The following SGCD variants were observed in gnomAD, a reference collection of about 807,000 sequenced individuals.
SGCD encodes sarcoglycan delta.
In SGCD, 18 loss-of-function variants were observed where a neutral mutation model predicts 36.6. The ratio of observed to expected loss-of-function variants is 0.49; its 90% confidence interval spans 0.34 to 0.73. SGCD has a LOEUF of 0.73. SGCD is among the 30% of genes least tolerant of loss of function. SGCD has a pLI of 0.01. For missense variants in SGCD, 387 were observed against 346.7 expected (o/e 1.12, Z -0.92); for synonymous variants, 133 against 130.6 (o/e 1.02, Z -0.12).
In SGCD at chr5:156,229,277, C is replaced by CATATATATATATATATATAT. The variant is rs570200528; in HGVS notation, c.-43-100253_-43-100234dup. Among the ~76,000 whole-genome samples the CATATATATATATATATATAT allele has an allele frequency of 2.0e-3, 113 of 56,382 alleles. 6 individuals carry two copies. Among genetic ancestry groups the CATATATATATATATATATAT allele is most frequent in the South Asian group, 3.1e-3 (5 of 1,594 alleles). 37.0% of individuals were successfully genotyped at this position (56,382 alleles called of 152,430 possible). Reference sequence around the variant, plus strand: ...ACATACATACATATATATATACATACATATATATATATATATATATATAAA... The same window carrying CATATATATATATATATATAT: ...ACATACATACATATATATATACATACATATATATATATATATATATATATATATATATATATATATATAAA... On this transcript the variant is annotated intron_variant, in intron 3 of 9. Coordinates refer to the SGCD transcript ENST00000517913.
Position 156,546,165 on chromosome 5 carries a change from A to G in SGCD, c.294+37463A>G, listed in dbSNP as rs571010165. Among the ~76,000 whole-genome samples the G allele has an allele frequency of 2.6e-5, 4 of 152,346 alleles. No homozygotes were observed. The East Asian group carries it at 7.7e-4, about 29-fold the overall frequency. On this transcript the variant is annotated intron_variant, in intron 4 of 8. Transcript: ENST00000337851. ...TTTTATTTAACTCATTTGCCAAATT[A>G]AGTTGACCATGGAACACTGTATTCT...
At chr5:156,360,324 T>G (rs1197449912) in intron 3 of SGCD, among the ~76,000 whole-genome samples, 1 of 151,604 alleles carries the variant, frequency 6.6e-6, no homozygotes, top group Non-Finnish European at 1.5e-5. Context: ...CTTGGCTCAC[T>G]GCAACCTCTG....
At chr5:155,956,567 C>T (rs1757654377) in intron 1 of SGCD, among the ~76,000 whole-genome samples, 2 of 152,056 alleles carry the variant, frequency 1.3e-5, no homozygotes, top group African/African-American at 2.4e-5. Flanking sequence ...TTGGTGTTTT[C>T]AAGCAACACA....
chr5:156,700,815 C>A (rs539891912), intron 7 of SGCD, among the ~76,000 whole-genome samples: 90 of 151,938 alleles, frequency 5.9e-4, no homozygotes, highest in African/African-American at 2.1e-3. Flanking sequence ...TAGTGGCACA[C>A]CCCTGTGGTC....
intron 1 of SGCD, among the ~76,000 whole-genome samples, chr5:155,881,326 A>C (rs1755880690): frequency 6.6e-6 from 1 of 151,920 alleles, no homozygotes; most frequent in Non-Finnish European, 1.5e-5. Context: ...AAATAAATAA[A>C]GAATATAGCA....
At chr5:155,857,004 C>CGGGT in the SGCD span, among the ~76,000 whole-genome samples, 1 of 152,054 alleles carries the variant, frequency 6.6e-6, no homozygotes, top group Non-Finnish European at 1.5e-5. Context: ...GAGACAGAGG[C>CGGGT]GGGTGGATTA....
intron 7 of SGCD, among the ~76,000 whole-genome samples, chr5:156,719,685 C>T (rs745563232): frequency 5.9e-5 from 9 of 152,168 alleles, no homozygotes; most frequent in Non-Finnish European, 1.2e-4. Flanking sequence ...GCAATTTAAA[C>T]GGCTGTCATA....
intron 7 of SGCD, among the ~76,000 whole-genome samples, chr5:156,696,474 C>G (rs990313465): frequency 2.6e-5 from 4 of 152,148 alleles, no homozygotes; most frequent in Non-Finnish European, 5.9e-5. Flanking sequence ...GAGGGCTTAA[C>G]AGAAAACAAA....
At chr5:156,736,667 C>A (rs911130593) in intron 7 of SGCD, among the ~76,000 whole-genome samples, 1 of 152,116 alleles carries the variant, frequency 6.6e-6, no homozygotes, top group East Asian at 1.9e-4. Flanking sequence ...TGGACTTGGG[C>A]AAGTCATTCC....
intron 6 of SGCD, among the ~76,000 whole-genome samples, chr5:156,617,328 T>C (rs1185825367): frequency 6.6e-6 from 1 of 152,074 alleles, no homozygotes; most frequent in Non-Finnish European, 1.5e-5. Context: ...TAAACTAGGA[T>C]AGAAAGAGAA....
intron 1 of SGCD, among the ~76,000 whole-genome samples, chr5:155,985,701 T>C (rs1046843171): frequency 6.6e-6 from 1 of 152,168 alleles, no homozygotes; most frequent in Non-Finnish European, 1.5e-5. Context: ...ATGGATTCCC[T>C]AGAAACAAAG....
intron 3 of SGCD, among the ~76,000 whole-genome samples, chr5:156,426,410 T>A (rs1278528809): frequency 6.6e-6 from 1 of 152,090 alleles, no homozygotes; most frequent in Admixed American, 6.6e-5. Context: ...TATTTTTTGA[T>A]GGGATTATTT....
At chr5:156,375,383 T>TA (rs899183206) in intron 3 of SGCD, among the ~76,000 whole-genome samples, 1 of 147,876 alleles carries the variant, frequency 6.8e-6, no homozygotes, top group African/African-American at 2.5e-5. Flanking sequence ...GCCCCAGTAA[T>TA]ATCCTTCACA....
At chr5:155,947,346 TG>T (rs201352882) in intron 1 of SGCD, among the ~76,000 whole-genome samples, 2 of 145,846 alleles carry the variant, frequency 1.4e-5, no homozygotes, top group African/African-American at 5.6e-5. Flanking sequence ...TGTAATGTTT[TG>T]GTTTTTTTTT....
chr5:155,747,593 A>T, the SGCD span, among the ~76,000 whole-genome samples: 1 of 152,230 alleles, frequency 6.6e-6, no homozygotes, highest in East Asian at 1.9e-4. Flanking sequence ...AACTTGCTCA[A>T]GAACTGCCAG....
At chr5:156,164,731 C>G (rs757656977) in intron 3 of SGCD, among the ~76,000 whole-genome samples, 3 of 152,184 alleles carry the variant, frequency 2.0e-5, no homozygotes, top group African/African-American at 7.2e-5. Flanking sequence ...CTTTCAATAT[C>G]AAATCAAAAC....
chr5:156,030,904 C>A (rs1445846079), intron 1 of SGCD, among the ~76,000 whole-genome samples: 2 of 152,122 alleles, frequency 1.3e-5, no homozygotes, highest in African/African-American at 4.8e-5. Flanking sequence ...GAATTACATG[C>A]TTTAGTTGTA....
chr5:155,942,244 A>C (rs1030707074), intron 1 of SGCD, among the ~76,000 whole-genome samples: 1 of 152,148 alleles, frequency 6.6e-6, no homozygotes, highest in Non-Finnish European at 1.5e-5. Flanking sequence ...GCAGTGGATA[A>C]GTTTTGTTTT....
intron 3 of SGCD, among the ~76,000 whole-genome samples, chr5:156,372,181 A>C (rs1057477306): frequency 3.9e-5 from 6 of 152,252 alleles, no homozygotes; most frequent in Non-Finnish European, 8.8e-5. Flanking sequence ...GTGAAATTAT[A>C]ATGGAAAAGA....
Sources: allele counts gnomAD v4.1 joint callset (sites outside exome capture counted in the v4.1 genomes callset), GRCh38; gene constraint gnomAD v4.1.1; transcripts MANE v1.5; gene names NCBI Gene and HGNC (gene_info 2026-07-23, HGNC 2026-07-21).